SLC28A3: variants seen among roughly 807,000 people sequenced by gnomAD.
SLC28A3 encodes the protein solute carrier family 28 member 3.
A neutral mutation model predicts 84.2 loss-of-function variants in SLC28A3; 68 were observed. The ratio of observed to expected loss-of-function variants is 0.81; its 90% confidence interval spans 0.66 to 0.99. The LOEUF (loss-of-function observed/expected upper bound fraction) is 0.99. Ranked by LOEUF, SLC28A3 falls within the 50% of genes least tolerant of loss-of-function variation. The pLI, the probability that SLC28A3 is intolerant of heterozygous loss-of-function variation, is 0.00. For synonymous variants in SLC28A3, 267 were observed against 303.6 expected, an observed-to-expected ratio of 0.88 and a Z score of 1.25; for missense variants, 712 against 841.5, an observed-to-expected ratio of 0.85 and a Z score of 1.90.
At chr9:84,313,571 G>T in intron 1 of SLC28A3, 117 bp from the exon 2 acceptor site, 1 of 753,886 alleles carries the variant, frequency 1.3e-6, no homozygotes, top group Non-Finnish European at 2.2e-6. Flanking sequence ...TAGGTGTTCA[G>T]ATGAAGCATC....
At chr9:84,335,033 G>C (rs1030307006) in intron 1 of SLC28A3, among the ~76,000 whole-genome samples, 1 of 151,904 alleles carries the variant, frequency 6.6e-6, no homozygotes, top group East Asian at 1.9e-4. Context: ...CTGTTTCCCA[G>C]GCTTCCCTCA....
the SLC28A3 span, among the ~76,000 whole-genome samples, chr9:84,349,699 G>A: frequency 6.6e-6 from 1 of 152,176 alleles, no homozygotes; most frequent in Non-Finnish European, 1.5e-5. Context: ...GTGTTCAGTA[G>A]GGTAAGTATG....
At chr9:84,279,109 C>T (rs745548817) in intron 17 of SLC28A3, among the ~76,000 whole-genome samples, 156 bp downstream of exon 17, 1 of 146,346 alleles carries the variant, frequency 6.8e-6, no homozygotes, top group Non-Finnish European at 1.5e-5. Context: ...AAAATTAAGT[C>T]GATGAGTGAG....
chr9:84,309,663 T>G lies in SLC28A3; in HGVS notation c.208A>C (p.Met70Leu), dbSNP rs773052862. The G allele has an allele frequency of 6.2e-7, 1 of 1,613,860 alleles. No homozygotes were observed. The highest frequency in any genetic ancestry group is 1.7e-5 in the Admixed American group (1 of 59,980). The change falls in exon 3 of 18, where the codon ATG (methionine) becomes CTG (leucine). Residue 70 changes from methionine to leucine, a missense_variant. By Grantham distance (15) the Met-to-Leu change is conservative (BLOSUM62 2). Coordinates refer to ENST00000376238, the MANE Select transcript of SLC28A3 (RefSeq NM_001199633.2). ...TGCATCTCCTCATCATCATCCTCCA[T>G]GTGTTCTCTGTTTCTTGGAGAATCC... ...EQDSPRNREHMEDDDEEMQQK... is the reference protein window; with the variant it reads ...EQDSPRNREHLEDDDEEMQQK...
At chr9:84,367,677 T>A in the SLC28A3 span, among the ~76,000 whole-genome samples, 1 of 151,892 alleles carries the variant, frequency 6.6e-6, no homozygotes, top group African/African-American at 2.4e-5. Context: ...GAGAACAGAG[T>A]GATGATGGGG....
Position 84,277,903 on chromosome 9 carries a change from C to T in SLC28A3, c.*315G>A. The T allele has an allele frequency of 3.8e-6, 1 of 262,732 alleles. No homozygotes were observed. The highest frequency in any genetic ancestry group is 8.0e-5 in the East Asian group (1 of 12,524). 16.3% of individuals were successfully genotyped at this position (262,732 alleles called of 1,614,324 possible). ...GTCAGAGCCCAGTTGTTGGGAGCGG[C>T]CGTTTATAGCTGTATTCTGGTGAAA... On this transcript the variant is annotated 3_prime_UTR_variant, in exon 18 of 18. Coordinates refer to ENST00000376238, the MANE Select transcript of SLC28A3 (RefSeq NM_001199633.2).
intron 6 of SLC28A3, among the ~76,000 whole-genome samples, chr9:84,298,312 C>T (rs1825495986): frequency 6.6e-6 from 1 of 152,084 alleles, no homozygotes; most frequent in African/African-American, 2.4e-5. Context: ...CATGGCAAAA[C>T]CCCATCTCTA....
Position 84,275,943 on chromosome 9 carries a change from C to T in SLC28A3, c.*2275G>A, listed in dbSNP as rs1360137965. The T allele has an allele frequency of 2.0e-5, 3 of 152,126 alleles. No homozygotes were observed. The highest frequency in any genetic ancestry group is 4.4e-5 in the Non-Finnish European group (3 of 68,028). 9.4% of individuals were successfully genotyped at this position (152,126 alleles called of 1,614,324 possible). ...GTAAAAATTAAGACAACATATTTCT[C>T]CAAAAACCAGTCTGACATCTTATAA... is the stretch of plus-strand genomic sequence containing the variant. On this transcript the variant is annotated 3_prime_UTR_variant, in exon 18 of 18. Coordinates refer to ENST00000376238, the MANE Select transcript of SLC28A3 (RefSeq NM_001199633.2).
chr9:84,299,185 G>T (rs1825529498), intron 6 of SLC28A3, among the ~76,000 whole-genome samples: 1 of 152,130 alleles, frequency 6.6e-6, no homozygotes. Flanking sequence ...ACAAATTTTT[G>T]GAGTATAAAT....
chr9:84,305,252 A>G lies in SLC28A3; in HGVS notation c.334+2T>C, dbSNP rs1240551840. On this transcript the variant is annotated splice_donor_variant, in intron 4 of 17. Transcript: ENST00000376238. LOFTEE classifies it high-confidence loss of function. ...GTATCCCTAACCATCTTTGTTATTT[A>G]CCTGCTAATAAAATGCCCCAGATGA... The G allele has an allele frequency of 1.2e-6, 2 of 1,607,382 alleles. No homozygotes were observed. Among genetic ancestry groups the G allele is most frequent in the Non-Finnish European group, 1.7e-6 (2 of 1,177,236 alleles).
chr9:84,344,541 C>T (rs970248317), upstream of SLC28A3, among the ~76,000 whole-genome samples: 6 of 152,050 alleles, frequency 3.9e-5, no homozygotes, highest in East Asian at 1.9e-4. Flanking sequence ...AAACCTGACT[C>T]GCATAACATT....
rs34204820 is a variant in SLC28A3, at chr9:84,307,132, C to CAAAAA, written c.243-1792_243-1788dup. ...TTGTGTCACTGCACCCCGTCTCAACCAAAAAAAAAAAAAAAAGGCCAGGCG... is the reference window on the plus strand; with the variant it reads ...TTGTGTCACTGCACCCCGTCTCAACCAAAAAAAAAAAAAAAAAAAAAGGCCAGGCG... On this transcript the variant is annotated intron_variant, in intron 3 of 17. Coordinates refer to ENST00000376238, the MANE Select transcript of SLC28A3 (RefSeq NM_001199633.2). Among the ~76,000 whole-genome samples the CAAAAA allele has an allele frequency of 1.4e-3, 168 of 119,636 alleles. 7 individuals carry two copies. The highest frequency in any genetic ancestry group is 4.4e-3 in the East Asian group (18 of 4,104). The allele number at this position is 119,636 out of a possible 152,430, so 78.5% of individuals were successfully genotyped here.
intron 1 of SLC28A3, among the ~76,000 whole-genome samples, chr9:84,338,416 T>A (rs1827053458): frequency 6.6e-6 from 1 of 152,224 alleles, no homozygotes; most frequent in South Asian, 2.1e-4. Context: ...GGCCTCTGAT[T>A]CTCTTGAAAG....
At chr9:84,353,790 A>G in the SLC28A3 span, among the ~76,000 whole-genome samples, 1 of 152,146 alleles carries the variant, frequency 6.6e-6, no homozygotes, top group African/African-American at 2.4e-5. Context: ...ACACCAAACT[A>G]TGTAAACCTA....
chr9:84,285,528 G>A lies in SLC28A3; in HGVS notation c.1464C>T (p.Tyr488=), dbSNP rs774772001. 3 of 1,614,156 alleles carry A rather than the reference G, an allele frequency of 1.9e-6. No homozygotes were observed. Among genetic ancestry groups the A allele is most frequent in the South Asian group, 2.2e-5 (2 of 91,084 alleles). ...PQLSFELICS[Y]IFMPFSFMMG... The stretch of plus-strand genomic sequence containing the variant: ...TCATGAAGGAAAAGGGCATGAAGAT[G>A]TAGGAGCAGATTAGCTACAGAAACC... Residue 488 remains tyrosine (Y), a synonymous_variant, in exon 14 of 18, where the codon TAC becomes TAT. Coordinates refer to ENST00000376238, the MANE Select transcript of SLC28A3 (RefSeq NM_001199633.2).
At chr9:84,317,980 G>A (rs1262861838) in intron 1 of SLC28A3, among the ~76,000 whole-genome samples, 1 of 152,138 alleles carries the variant, frequency 6.6e-6, no homozygotes, top group African/African-American at 2.4e-5. Context: ...ATCTACCAAT[G>A]TCAAATGTTT....
In SLC28A3 at chr9:84,328,652, G is replaced by A. The variant is rs368681619; in HGVS notation, c.60+11922C>T. Among the ~76,000 whole-genome samples, 34 of 152,234 alleles carry A rather than the reference G, an allele frequency of 2.2e-4. No homozygotes were observed. In the South Asian group the frequency reaches 3.1e-3, roughly 14 times the overall value. ...TGGGCACCTGTAACCCCAGCTTCTC[G>A]CGAGGCTGAGACAGGAGAATTGCTT... On this transcript the variant is annotated intron_variant, in intron 1 of 17. Coordinates refer to ENST00000376238, the MANE Select transcript of SLC28A3 (RefSeq NM_001199633.2).
intron 17 of SLC28A3, among the ~76,000 whole-genome samples, chr9:84,279,038 A>C (rs1824631358): frequency 6.6e-6 from 1 of 152,118 alleles, no homozygotes; most frequent in Admixed American, 6.6e-5. Context: ...GAAAAGTCAG[A>C]GTGAAAGGTG....
chr9:84,314,467 C>T (rs1022274555), intron 1 of SLC28A3, among the ~76,000 whole-genome samples: 4 of 152,162 alleles, frequency 2.6e-5, no homozygotes, highest in African/African-American at 9.7e-5. Flanking sequence ...ATGACTGCAT[C>T]TTCAAAGACC....
Sources: allele counts gnomAD v4.1 joint callset (sites outside exome capture counted in the v4.1 genomes callset), GRCh38; gene constraint gnomAD v4.1.1; transcripts MANE v1.5; gene names NCBI Gene and HGNC (gene_info 2026-07-23, HGNC 2026-07-21).